The following ZNF827 variants were observed in gnomAD, a reference collection of about 807,000 sequenced individuals.
ZNF827 encodes zinc finger protein 827.
ZNF827 carries 13 observed loss-of-function variants against 102.4 expected under a neutral mutation model. The observed-to-expected ratio is 0.13, with a 90% CI of 0.08 to 0.20. The LOEUF (loss-of-function observed/expected upper bound fraction) is 0.20, where lower values mean the gene tolerates loss of function less well. Ranked by LOEUF, ZNF827 falls within the 10% of genes least tolerant of loss-of-function variation. The pLI, the probability that ZNF827 is intolerant of heterozygous loss-of-function variation, is 1.00. For synonymous variants in ZNF827, 523 were observed against 536.2 expected (o/e 0.98, Z 0.34); for missense variants, 1,103 against 1,344.4 (o/e 0.82, Z 2.81).
At chr4:145,786,621 G>C (rs1421372294) in intron 8 of ZNF827, among the ~76,000 whole-genome samples, 1 of 152,168 alleles carries the variant, frequency 6.6e-6, no homozygotes. Flanking sequence ...AGAAAGCAGA[G>C]GGCATGGAAC....
intron 1 of ZNF827, among the ~76,000 whole-genome samples, chr4:145,932,475 ATT>A (rs59749911): frequency 2.0e-3 from 269 of 136,276 alleles, no homozygotes; most frequent in East Asian, 3.9e-3. Context: ...AACTCCTTGT[ATT>A]TTTTTTTTTT....
intron 5 of ZNF827, among the ~76,000 whole-genome samples, chr4:145,865,483 C>A (rs1006542639): frequency 6.6e-6 from 1 of 152,242 alleles, no homozygotes; most frequent in African/African-American, 2.4e-5. Flanking sequence ...ACACAGACAG[C>A]GGGACTCCCA....
chr4:145,858,160 T>C (rs1747351214), intron 5 of ZNF827, among the ~76,000 whole-genome samples: 1 of 151,460 alleles, frequency 6.6e-6, no homozygotes, highest in Non-Finnish European at 1.5e-5. Flanking sequence ...TGTGTGTGTG[T>C]GTGTGTGTGT....
chr4:145,891,124 C>A (rs1218720338), intron 3 of ZNF827, among the ~76,000 whole-genome samples: 1 of 152,152 alleles, frequency 6.6e-6, no homozygotes, highest in African/African-American at 2.4e-5. Context: ...ACAGCCAAAT[C>A]ATATCGAAAA....
intron 2 of ZNF827, among the ~76,000 whole-genome samples, chr4:145,901,489 T>G (rs993442907): frequency 1.1e-4 from 16 of 152,226 alleles, no homozygotes; most frequent in African/African-American, 3.9e-4. Flanking sequence ...GGATTCAAAT[T>G]TTCCACATGC....
chr4:145,878,676 A>C (rs1749391541), intron 4 of ZNF827, among the ~76,000 whole-genome samples: 1 of 149,002 alleles, frequency 6.7e-6, no homozygotes, highest in Non-Finnish European at 1.5e-5. Flanking sequence ...AGAGAAAGGA[A>C]GGAAGGGAGA....
At chr4:145,934,444 G>C (rs1174436459) in intron 1 of ZNF827, among the ~76,000 whole-genome samples, 2 of 152,194 alleles carry the variant, frequency 1.3e-5, no homozygotes, top group African/African-American at 4.8e-5. Flanking sequence ...AGTAGTGTCA[G>C]GTTAAAGGCT....
intron 1 of ZNF827, among the ~76,000 whole-genome samples, chr4:145,912,776 C>T (rs987479853): frequency 1.3e-5 from 2 of 152,196 alleles, no homozygotes; most frequent in Admixed American, 6.5e-5. Context: ...GCCTTCAGAG[C>T]GAGAGTGGCC....
chr4:145,935,567 C>G (rs1754100841), intron 1 of ZNF827, among the ~76,000 whole-genome samples: 1 of 152,188 alleles, frequency 6.6e-6, no homozygotes. Flanking sequence ...ATTAAGGCCT[C>G]CCTTTCAAAA....
chr4:145,825,980 T>C (rs2126510378), intron 7 of ZNF827, among the ~76,000 whole-genome samples: 1 of 152,292 alleles, frequency 6.6e-6, no homozygotes, highest in South Asian at 2.1e-4. Context: ...AAAGAATCAA[T>C]GGAGAAACTT....
Position 145,917,715 on chromosome 4 carries a change from AAAAAAAAAAAAG to A in ZNF827, c.44-14512_44-14501del, listed in dbSNP as rs1248313867. Among the ~76,000 whole-genome samples the A allele has an allele frequency of 4.8e-5, 7 of 147,274 alleles. 1 individual carries two copies. The highest frequency in any genetic ancestry group is 1.3e-4 in the African/African-American group (5 of 38,300). On this transcript the variant is annotated intron_variant, in intron 1 of 14. Transcript: ENST00000508784. The stretch of plus-strand genomic sequence containing the variant: ...GGTAGCTGGTCAAAAAAAAAAAAAA[AAAAAAAAAAAAG>A]AAAAGAAAAAACAACATTCATATGC...
chr4:145,842,830 AC>A (rs1271636161), intron 7 of ZNF827, among the ~76,000 whole-genome samples: 5 of 152,222 alleles, frequency 3.3e-5, no homozygotes, highest in Non-Finnish European at 7.3e-5. Context: ...CCAATCATGA[AC>A]CGTCCTTCTG....
chr4:145,876,038 T>C (rs943147956), intron 4 of ZNF827, among the ~76,000 whole-genome samples: 1 of 152,210 alleles, frequency 6.6e-6, no homozygotes, highest in Non-Finnish European at 1.5e-5. Flanking sequence ...GTAGTAGCCC[T>C]TGTAATGCAG....
chr4:145,880,462 T>C (rs1749567852), intron 4 of ZNF827, among the ~76,000 whole-genome samples: 1 of 152,216 alleles, frequency 6.6e-6, no homozygotes, highest in East Asian at 1.9e-4. Context: ...CAACTGTGTG[T>C]GTAAGCAATC....
chr4:145,935,435 C>A (rs1754088780), intron 1 of ZNF827, among the ~76,000 whole-genome samples: 1 of 152,174 alleles, frequency 6.6e-6, no homozygotes, highest in Non-Finnish European at 1.5e-5. Context: ...ACACCATTTG[C>A]CCAGAAATTG....
intron 10 of ZNF827, 72 bp from the exon 11 acceptor site, chr4:145,774,744 T>C (rs897622977): frequency 2.5e-5 from 37 of 1,503,578 alleles, no homozygotes; most frequent in Non-Finnish European, 3.3e-5. Context: ...AGGCTGTCCA[T>C]TTATACACAG....
chr4:145,802,437 T>A (rs1741000911), intron 8 of ZNF827, among the ~76,000 whole-genome samples: 1 of 152,164 alleles, frequency 6.6e-6, no homozygotes, highest in Non-Finnish European at 1.5e-5. Flanking sequence ...GGAGTTTGGA[T>A]CCACAAGGTG....
chr4:145,782,874 C>T (rs1395185985), intron 8 of ZNF827, among the ~76,000 whole-genome samples: 1 of 152,206 alleles, frequency 6.6e-6, no homozygotes, highest in Non-Finnish European at 1.5e-5. Flanking sequence ...CCAAAAGCTA[C>T]TCCCCGCAAC....
Position 145,892,423 on chromosome 4 carries a change from G to GA in ZNF827, c.1094-9dup. On this transcript the variant is annotated splice_polypyrimidine_tract_variant and intron_variant, in intron 2 of 14. Transcript: ENST00000508784. ...CACTTTCCTCTTCTGAGGCTTGGAA[G>GA]AAGGAGAAAGAAAGGACCATTAAGG... 1 of 1,606,854 alleles carries GA rather than the reference G, an allele frequency of 6.2e-7. No individual in the cohort carries two copies.
Sources: gnomAD v4.1 joint callset for allele counts (sites outside exome capture counted in the v4.1 genomes callset) on GRCh38, gnomAD v4.1.1 for gene constraint, MANE v1.5 for transcripts, NCBI Gene and HGNC (gene_info 2026-07-23, HGNC 2026-07-21) for gene names.